The following FRMD6 variants were observed in gnomAD, a reference collection of about 807,000 sequenced individuals.
FRMD6 encodes FERM domain containing 6.
In FRMD6, 37 loss-of-function variants were observed where a neutral mutation model predicts 73.2. The observed-to-expected ratio is 0.51, with a 90% CI of 0.39 to 0.66. The LOEUF is 0.66. Among genes scored for constraint, FRMD6 ranks in the 30% least tolerant of loss-of-function variants. The pLI, the probability that FRMD6 is intolerant of heterozygous loss-of-function variation, is 0.00. For missense variants in FRMD6, 714 were observed against 780.5 expected, an observed-to-expected ratio of 0.91 and a Z score of 1.02; for synonymous variants, 273 against 282.2, an observed-to-expected ratio of 0.97 and a Z score of 0.33.
intron 1 of FRMD6, among the ~76,000 whole-genome samples, chr14:51,551,164 A>G (rs868021659): frequency 1.3e-5 from 2 of 152,202 alleles, no homozygotes; most frequent in Non-Finnish European, 2.9e-5. Context: ...ACTACTAAGT[A>G]AAAAAACTTG....
chr14:51,447,281 G>T, the FRMD6 span, among the ~76,000 whole-genome samples: 1 of 152,012 alleles, frequency 6.6e-6, no homozygotes, highest in Non-Finnish European at 1.5e-5. Context: ...ATTCTACTAG[G>T]TCCCTGATGC....
chr14:51,692,856 T>G (rs1352827470), intron 2 of FRMD6: 5 of 152,172 alleles, frequency 3.3e-5, no homozygotes, highest in African/African-American at 1.2e-4. Context: ...GCCGATGTAG[T>G]GAGTCTGAGG....
intron 2 of FRMD6, chr14:51,692,678 A>G (rs1421512688): frequency 1.3e-5 from 2 of 152,218 alleles, no homozygotes; most frequent in Non-Finnish European, 2.9e-5. Context: ...ATTTGTTCCT[A>G]TGGATCAGTG....
chr14:51,443,047 A>T, the FRMD6 span, among the ~76,000 whole-genome samples: 1 of 152,198 alleles, frequency 6.6e-6, no homozygotes. Flanking sequence ...AGGCACCAGG[A>T]TGGGGAAAAA....
At chr14:51,443,945 T>A in the FRMD6 span, among the ~76,000 whole-genome samples, 1 of 150,576 alleles carries the variant, frequency 6.6e-6, no homozygotes, top group Admixed American at 6.6e-5. Flanking sequence ...AGTTGTGAGT[T>A]TTTTTTTTTT....
At chr14:51,610,329 C>CT (rs141213133) in intron 2 of FRMD6, among the ~76,000 whole-genome samples, 72,412 of 138,408 alleles carry the variant, frequency 0.52, 18,438 homozygotes, top group African/African-American at 0.6. Context: ...TTTTTAATCC[C>CT]TTTTTTTTTA....
At chr14:51,507,898 G>A (rs1884064400) in intron 1 of FRMD6, among the ~76,000 whole-genome samples, 2 of 152,162 alleles carry the variant, frequency 1.3e-5, no homozygotes, top group East Asian at 1.9e-4. Context: ...CAGGAAGTCA[G>A]GAGACCCTAT....
At chr14:51,523,416 A>G (rs1278798069) in intron 1 of FRMD6, among the ~76,000 whole-genome samples, 1 of 152,090 alleles carries the variant, frequency 6.6e-6, no homozygotes, top group African/African-American at 2.4e-5. Flanking sequence ...GTGGTCCTGG[A>G]AGGCACATAT....
intron 1 of FRMD6, among the ~76,000 whole-genome samples, chr14:51,656,893 A>T (rs1892873273): frequency 6.6e-6 from 1 of 152,074 alleles, no homozygotes; most frequent in African/African-American, 2.4e-5. Flanking sequence ...TTCCAAATGG[A>T]TCCTCTTGGG....
At chr14:51,453,866 G>A in the FRMD6 span, among the ~76,000 whole-genome samples, 45 of 152,288 alleles carry the variant, frequency 3.0e-4, no homozygotes, top group Non-Finnish European at 5.3e-4. Flanking sequence ...GAAAGGCAAC[G>A]TCAAGCCATT....
chr14:51,587,275 A>C (rs1889103709), intron 2 of FRMD6, among the ~76,000 whole-genome samples: 1 of 152,166 alleles, frequency 6.6e-6, no homozygotes, highest in Non-Finnish European at 1.5e-5. Flanking sequence ...TTATACCTGC[A>C]GCTAAATTTT....
At chr14:51,560,862 A>G (rs577387881) in intron 1 of FRMD6, among the ~76,000 whole-genome samples, 4 of 152,248 alleles carry the variant, frequency 2.6e-5, no homozygotes, top group South Asian at 2.1e-4. Flanking sequence ...TCACCCACAA[A>G]TTTCTCCAAA....
chr14:51,502,468 T>C (rs1883680425), intron 1 of FRMD6, among the ~76,000 whole-genome samples: 1 of 152,210 alleles, frequency 6.6e-6, no homozygotes, highest in African/African-American at 2.4e-5. Flanking sequence ...CTTTTCCCCA[T>C]TGTTTGTTTC....
intron 1 of FRMD6, among the ~76,000 whole-genome samples, chr14:51,540,733 A>G (rs1700168941): frequency 6.6e-6 from 1 of 152,112 alleles, no homozygotes. Context: ...TAGATAATTT[A>G]TTATAAATAA....
intron 1 of FRMD6, among the ~76,000 whole-genome samples, chr14:51,570,061 C>T (rs1888042085): frequency 6.6e-6 from 1 of 152,034 alleles, no homozygotes; most frequent in Non-Finnish European, 1.5e-5. Context: ...GTGATCTGCC[C>T]ACCTTGGCCT....
chr14:51,672,088 G>A lies in FRMD6; in HGVS notation c.-146-17603G>A, dbSNP rs147555457. Among the ~76,000 whole-genome samples the A allele has an allele frequency of 1.9e-3, 282 of 152,264 alleles. 2 individuals carry two copies. Among genetic ancestry groups the A allele is most frequent in the African/African-American group, 6.5e-3 (270 of 41,536 alleles). ...GAATTGTAACAAGAGATGAAACATG[G>A]CTTTACCAGTATGATCCTGAAGACA... On this transcript the variant is annotated intron_variant, in intron 1 of 13. Coordinates refer to ENST00000344768, the MANE Select transcript of FRMD6 (RefSeq NM_001267046.2).
At chr14:51,675,901 C>T (rs891673723) in intron 1 of FRMD6, among the ~76,000 whole-genome samples, 1 of 152,014 alleles carries the variant, frequency 6.6e-6, no homozygotes, top group Non-Finnish European at 1.5e-5. Flanking sequence ...CTAGAATCTC[C>T]AAAGCCCTTT....
At chr14:51,678,900 C>G (rs1324678781) in intron 1 of FRMD6, among the ~76,000 whole-genome samples, 1 of 152,012 alleles carries the variant, frequency 6.6e-6, no homozygotes, top group South Asian at 2.1e-4. Flanking sequence ...ACAGCATGGT[C>G]AAAAGCATAG....
chr14:51,539,083 T>C (rs11848688), intron 1 of FRMD6, among the ~76,000 whole-genome samples: 15,965 of 152,042 alleles, frequency 0.11, 1,116 homozygotes, highest in African/African-American at 0.19. Context: ...TTTTGATGGG[T>C]CCTGCTTCCA....
Sources: gnomAD v4.1 joint callset for allele counts (sites outside exome capture counted in the v4.1 genomes callset) on GRCh38, gnomAD v4.1.1 for gene constraint, MANE v1.5 for transcripts, NCBI Gene and HGNC (gene_info 2026-07-23, HGNC 2026-07-21) for gene names.